The following HMCN1 variants were observed in gnomAD, a reference collection of about 807,000 sequenced individuals.
HMCN1 encodes the protein hemicentin-1.
HMCN1 carries 321 observed loss-of-function variants against 625.9 expected under a neutral mutation model. The ratio of observed to expected loss-of-function variants is 0.51; its 90% CI spans 0.47 to 0.56. The LOEUF (loss-of-function observed/expected upper bound fraction) is 0.56. Among genes scored for constraint, HMCN1 ranks in the 20% least tolerant of loss-of-function variants. HMCN1 has a pLI of 0.00. For missense variants in HMCN1, 6,588 were observed against 6,887.3 expected, an observed-to-expected ratio of 0.96 and a Z score of 1.54; for synonymous variants, 2,425 against 2,417.6, an observed-to-expected ratio of 1.00 and a Z score of -0.09.
intron 4 of HMCN1, among the ~76,000 whole-genome samples, chr1:185,872,651 A>T (rs1346557853): frequency 1.3e-5 from 2 of 152,118 alleles, no homozygotes; most frequent in African/African-American, 4.8e-5. Flanking sequence ...ACAGCAGGGG[A>T]TGAGACCAGA....
chr1:185,905,100 C>G (rs1299993322), intron 4 of HMCN1, among the ~76,000 whole-genome samples: 1 of 151,864 alleles, frequency 6.6e-6, no homozygotes, highest in Non-Finnish European at 1.5e-5. Context: ...AGTTTGAACT[C>G]TATTCAGCTT....
At chr1:186,023,288 GT>G (rs74451695) in intron 36 of HMCN1, 135 bp downstream of exon 36, 80,246 of 513,708 alleles carry the variant, frequency 0.16, 437 homozygotes, top group African/African-American at 0.18. Context: ...AAAACCTAGG[GT>G]TTTTTTTTTT....
intron 1 of HMCN1, among the ~76,000 whole-genome samples, chr1:185,844,004 A>T (rs984834770): frequency 6.6e-6 from 1 of 152,112 alleles, no homozygotes; most frequent in Non-Finnish European, 1.5e-5. Flanking sequence ...TTATTATGAT[A>T]TAATTGTTTT....
At chr1:186,147,759 CATACTTTAATTTTAAA>C (rs1650411809) in intron 93 of HMCN1, among the ~76,000 whole-genome samples, 1 of 151,902 alleles carries the variant, frequency 6.6e-6, no homozygotes, top group South Asian at 2.1e-4. Flanking sequence ...AAACAATGCA[CATACTTTAATTTTAAA>C]ATACTTTATT....
chr1:185,802,619 G>A (rs532566457), intron 1 of HMCN1, among the ~76,000 whole-genome samples: 1 of 152,254 alleles, frequency 6.6e-6, no homozygotes, highest in South Asian at 2.1e-4. Flanking sequence ...GAAAGGGTGT[G>A]TTTTAAGAAT....
Position 185,848,653 on chromosome 1 carries a change from C to T in HMCN1, c.339+2557C>T, listed in dbSNP as rs550728814. 3.4e-3 allele frequency among the ~76,000 whole-genome samples: 521 copies of T among 152,182 alleles called. 1 individual carries two copies. The highest frequency in any genetic ancestry group is 0.011 in the African/African-American group (440 of 41,546). ...AATGAAATTCATGAATGTTCTTTTTCCAGTACCCTAAATGTGGTCCTTAAT... is the reference window on the plus strand; with the variant it reads ...AATGAAATTCATGAATGTTCTTTTTTCAGTACCCTAAATGTGGTCCTTAAT... On this transcript the variant is annotated intron_variant, in intron 2 of 106. Coordinates refer to ENST00000271588, the MANE Select transcript of HMCN1 (RefSeq NM_031935.3).
At chr1:185,853,555 TA>T (rs1400548297) in intron 2 of HMCN1, among the ~76,000 whole-genome samples, 1 of 152,020 alleles carries the variant, frequency 6.6e-6, no homozygotes, top group Non-Finnish European at 1.5e-5. Context: ...TCTGCTAGAG[TA>T]AAGAATTCTC....
In HMCN1 at chr1:186,129,981, T is replaced by C. The variant is rs1165889471; in HGVS notation, c.12920T>C (p.Val4307Ala). ...TTTCCCTCAGCCCACTTTGACAGTGTGAATGGACACAGTGAACTTGTTATT... is the reference window on the plus strand; with the variant it reads ...TTTCCCTCAGCCCACTTTGACAGTGCGAATGGACACAGTGAACTTGTTATT... ...NNIIPAHFDSVNGHSELVIER... is the reference protein window; with the variant it reads ...NNIIPAHFDSANGHSELVIER... The change falls in exon 84 of 107, where the codon GTG becomes GCG. Residue 4307 changes from valine to alanine, a missense_variant. Transcript: ENST00000271588. 3 of 1,613,018 alleles carry C rather than the reference T, an allele frequency of 1.9e-6. No homozygotes were observed. In the South Asian group the frequency reaches 3.3e-5, roughly 18 times the overall value.
intron 4 of HMCN1, among the ~76,000 whole-genome samples, chr1:185,907,727 G>A (rs1666175893): frequency 6.6e-6 from 1 of 151,960 alleles, no homozygotes; most frequent in Admixed American, 6.6e-5. Flanking sequence ...ACTAGGGGAA[G>A]AGAAGGGAAT....
chr1:185,934,294 T>C (rs1057084582), intron 11 of HMCN1, among the ~76,000 whole-genome samples: 3 of 152,182 alleles, frequency 2.0e-5, no homozygotes, highest in Non-Finnish European at 1.5e-5. Flanking sequence ...ATGCTTCTCA[T>C]CTTGGTGAAA....
At chr1:185,744,633 T>G (rs987550977) in intron 1 of HMCN1, among the ~76,000 whole-genome samples, 1 of 152,206 alleles carries the variant, frequency 6.6e-6, no homozygotes, top group Non-Finnish European at 1.5e-5. Context: ...ATGCTACCTT[T>G]TATAGCAGAA....
chr1:185,902,242 T>A (rs1665842396), intron 4 of HMCN1, among the ~76,000 whole-genome samples: 1 of 146,702 alleles, frequency 6.8e-6, no homozygotes, highest in Admixed American at 6.8e-5. Context: ...TTTATATAAA[T>A]TTTTTTTTTG....
intron 11 of HMCN1, among the ~76,000 whole-genome samples, chr1:185,937,075 G>A (rs558031430): frequency 4.1e-4 from 62 of 152,266 alleles, no homozygotes; most frequent in African/African-American, 1.4e-3. Flanking sequence ...AAAACAAGGC[G>A]GTCAGGGAAT....
At chr1:186,115,230 T>C in intron 74 of HMCN1, 28 bp from the exon 75 acceptor site, 1 of 1,613,346 alleles carries the variant, frequency 6.2e-7, no homozygotes, top group Non-Finnish European at 8.5e-7. Context: ...TGACTGTGTT[T>C]CCTTCTTATT....
chr1:185,886,542 G>C (rs73056300), intron 4 of HMCN1, among the ~76,000 whole-genome samples: 1 of 150,408 alleles, frequency 6.6e-6, no homozygotes, highest in African/African-American at 2.4e-5. Flanking sequence ...TATATATTCA[G>C]ATTTTCTCAT....
chr1:186,164,787 C>A (rs908824856), intron 97 of HMCN1, among the ~76,000 whole-genome samples: 2 of 152,208 alleles, frequency 1.3e-5, no homozygotes, highest in Non-Finnish European at 2.9e-5. Flanking sequence ...GCTGGAAGAA[C>A]AGGACTTTGC....
intron 19 of HMCN1, among the ~76,000 whole-genome samples, chr1:185,986,106 T>C (rs1223255663): frequency 6.6e-6 from 1 of 152,210 alleles, no homozygotes; most frequent in African/African-American, 2.4e-5. Context: ...TTCTGAAAAT[T>C]AATTTTCTTG....
At position 185,734,793 on chromosome 1, in the gene HMCN1, A is replaced by G. The variant is rs754274993; in HGVS notation, c.14A>G (p.Glu5Gly). The change falls in exon 1 of 107, where the codon GAA becomes GGA. Residue 5 changes from glutamate (E) to glycine (G), a missense_variant. Around this residue, in one of 3 missense-constraint regions of HMCN1, gnomAD observed 4,628 missense variants for 4,853.1 expected, o/e 0.95. Transcript: ENST00000271588. ...AAAAAAAAGAAAATGATTTCCTGGGAAGTTGTCCATACAGTATTCCTGTTT... is the reference window on the plus strand; with the variant it reads ...AAAAAAAAGAAAATGATTTCCTGGGGAGTTGTCCATACAGTATTCCTGTTT... MISW[E>G]VVHTVFLFAL... The G allele has an allele frequency of 6.2e-7, 1 of 1,614,078 alleles. No individual in the cohort carries two copies. Among genetic ancestry groups the G allele is most frequent in the South Asian group, 1.1e-5 (1 of 91,076 alleles).
At position 186,144,272 on chromosome 1, in the gene HMCN1, C is replaced by A; in HGVS notation, c.14024C>A (p.Pro4675Gln). ...GCAAGACTTTGTAATAACCCACCAC[C>A]AGCGTTTGGTGGGTCCTACTGTGAT... ...TRARLCNNPP[P>Q]AFGGSYCDGA... Residue 4675 changes from proline (P) to glutamine (Q), a missense_variant, in exon 90 of 107, where the codon CCA becomes CAA. Physicochemically the swap from Pro to Gln is moderately conservative, Grantham distance 76. Coordinates refer to ENST00000271588, the MANE Select transcript of HMCN1 (RefSeq NM_031935.3). 1 of 1,613,840 alleles carries A rather than the reference C, an allele frequency of 6.2e-7. No homozygotes were observed. The highest frequency in any genetic ancestry group is 8.5e-7 in the Non-Finnish European group (1 of 1,179,798).
Sources: gnomAD v4.1 joint callset for allele counts (sites outside exome capture counted in the v4.1 genomes callset) on GRCh38, gnomAD v4.1.1 for gene constraint, gnomAD v4.1.1 regional missense constraint, MANE v1.5 for transcripts, NCBI Gene and HGNC (gene_info 2026-07-23, HGNC 2026-07-21) for gene names.